Variants in COPG2 observed in about 807,000 individuals in gnomAD.
COPG2 encodes coat protein complex I subunit gamma 2.
In COPG2, 37 loss-of-function variants were observed where a neutral mutation model predicts 46.3. That is an observed-to-expected ratio of 0.80 (90% CI 0.61 to 1.05). The LOEUF is 1.05. Among genes scored for constraint, COPG2 ranks in the 50% least tolerant of loss-of-function variants. The pLI is 0.00. For missense variants in COPG2, 427 were observed against 387.8 expected (o/e 1.10, Z -0.85); for synonymous variants, 159 against 129.7 (o/e 1.23, Z -1.53).
intron 9 of COPG2, among the ~76,000 whole-genome samples, chr7:130,568,081 A>C (rs1793832677): frequency 6.6e-6 from 1 of 152,146 alleles, no homozygotes; most frequent in Admixed American, 6.5e-5. Context: ...GTTTGAGACC[A>C]GCCTGGCCAA....
chr7:130,642,047 A>G (rs1358528817), intron 5 of COPG2, among the ~76,000 whole-genome samples: 1 of 152,156 alleles, frequency 6.6e-6, no homozygotes, highest in Non-Finnish European at 1.5e-5. Flanking sequence ...CTCAGGACTC[A>G]ATTCCAGAAT....
intron 9 of COPG2, among the ~76,000 whole-genome samples, chr7:130,586,895 A>G (rs1794284165): frequency 6.6e-6 from 1 of 152,124 alleles, no homozygotes; most frequent in Non-Finnish European, 1.5e-5. Flanking sequence ...GATTAGAACC[A>G]TAGCTATTAG....
At chr7:130,563,768 A>G (rs1190125814) in intron 10 of COPG2, among the ~76,000 whole-genome samples, 6 of 108,494 alleles carry the variant, frequency 5.5e-5, no homozygotes, top group African/African-American at 2.9e-4. Flanking sequence ...AAAAAAAAAA[A>G]AAAAAGAAAA....
chr7:130,660,317 C>T (rs1370319073), intron 4 of COPG2, among the ~76,000 whole-genome samples: 1 of 152,178 alleles, frequency 6.6e-6, no homozygotes, highest in African/African-American at 2.4e-5. Context: ...ATTTTCCACC[C>T]TTCTAATCAG....
chr7:130,624,838 C>T (rs527892226), intron 5 of COPG2, among the ~76,000 whole-genome samples: 7 of 152,234 alleles, frequency 4.6e-5, no homozygotes, highest in Admixed American at 3.3e-4. Flanking sequence ...GTTGGTTCCA[C>T]GTCTTTGCAA....
intron 20 of COPG2, among the ~76,000 whole-genome samples, chr7:130,532,703 G>A (rs941157745): frequency 0.017 from 2,606 of 152,260 alleles, 44 homozygotes; most frequent in South Asian, 0.025. Context: ...GAAAGGTATC[G>A]GGAAGGCTTC....
intron 14 of COPG2, among the ~76,000 whole-genome samples, chr7:130,554,177 C>T (rs1382863087): frequency 6.6e-6 from 1 of 150,726 alleles, no homozygotes; most frequent in Non-Finnish European, 1.5e-5. Flanking sequence ...GGAAAAGTCG[C>T]TTAAAAATAT....
intron 20 of COPG2, chr7:130,509,356 G>T (rs782333539): frequency 2.1e-6 from 1 of 479,732 alleles, no homozygotes; most frequent in South Asian, 1.5e-5. Context: ...AGTAAAGACA[G>T]TATTTTCTGA....
intron 11 of COPG2, 79 bp downstream of exon 11, chr7:130,563,190 G>T: frequency 2.5e-6 from 1 of 395,206 alleles, no homozygotes; most frequent in South Asian, 1.3e-4. Context: ...TAACCTTGGA[G>T]AGAAAACCAA....
intron 5 of COPG2, among the ~76,000 whole-genome samples, chr7:130,631,973 C>G (rs2116168290): frequency 6.6e-6 from 1 of 152,286 alleles, no homozygotes; most frequent in African/African-American, 2.4e-5. Context: ...TTATCACCTT[C>G]ACTTTTGAAA....
intron 4 of COPG2, among the ~76,000 whole-genome samples, chr7:130,655,348 G>C (rs1795828564): frequency 6.6e-6 from 1 of 151,950 alleles, no homozygotes; most frequent in Non-Finnish European, 1.5e-5. Flanking sequence ...AATTACTTAT[G>C]AATGGTTTCC....
chr7:130,650,465 T>TTTATTTTAAATAAA (rs1795714292), intron 5 of COPG2, among the ~76,000 whole-genome samples: 1 of 152,214 alleles, frequency 6.6e-6, no homozygotes, highest in African/African-American at 2.4e-5. Context: ...AAACTCTCAG[T>TTTATTTTAAATAAA]CAACAACTAA....
chr7:130,609,859 T>C (rs1794808582), intron 9 of COPG2, among the ~76,000 whole-genome samples: 1 of 152,228 alleles, frequency 6.6e-6, no homozygotes, highest in East Asian at 1.9e-4. Flanking sequence ...AGTTTCTATT[T>C]ATCTATTGAA....
At chr7:130,647,185 C>T (rs543031426) in intron 5 of COPG2, among the ~76,000 whole-genome samples, 104 of 151,898 alleles carry the variant, frequency 6.8e-4, no homozygotes, top group South Asian at 6.5e-3. Flanking sequence ...AGACTACAGG[C>T]GTGTGCCACC....
chr7:130,645,808 G>A (rs1795584513), intron 5 of COPG2, among the ~76,000 whole-genome samples: 1 of 152,084 alleles, frequency 6.6e-6, no homozygotes, highest in Non-Finnish European at 1.5e-5. Flanking sequence ...TTCTACTAAA[G>A]CTTTGGCCAA....
At chr7:130,582,885 T>C (rs1178927362) in intron 9 of COPG2, among the ~76,000 whole-genome samples, 1 of 151,898 alleles carries the variant, frequency 6.6e-6, no homozygotes, top group South Asian at 2.1e-4. Context: ...TAGGAACACT[T>C]TTACACGTTG....
At chr7:130,644,485 C>G (rs1407099334) in intron 5 of COPG2, among the ~76,000 whole-genome samples, 1 of 152,150 alleles carries the variant, frequency 6.6e-6, no homozygotes, top group African/African-American at 2.4e-5. Flanking sequence ...CAAATAGCAA[C>G]TAAAAATGAC....
intron 9 of COPG2, among the ~76,000 whole-genome samples, chr7:130,568,601 G>C (rs899790040): frequency 1.3e-5 from 2 of 150,904 alleles, no homozygotes; most frequent in Admixed American, 6.6e-5. Context: ...AGACGGCAAC[G>C]CAATAATAGT....
At chr7:130,522,624 G>A (rs1332062175) in intron 20 of COPG2, among the ~76,000 whole-genome samples, 1 of 151,928 alleles carries the variant, frequency 6.6e-6, no homozygotes, top group African/African-American at 2.4e-5. Flanking sequence ...AGAATGGGGT[G>A]GAAGGATGCC....
Sources: allele counts gnomAD v4.1 joint callset (sites outside exome capture counted in the v4.1 genomes callset), GRCh38; gene constraint gnomAD v4.1.1; transcripts MANE v1.5; gene names NCBI Gene and HGNC (gene_info 2026-07-23, HGNC 2026-07-21).